Variants in RAB18 observed in about 807,000 individuals in gnomAD.
The protein encoded by RAB18 is RAB18, member RAS oncogene family.
A neutral mutation model predicts 28.5 loss-of-function variants in RAB18; 10 were observed. That is an observed-to-expected ratio of 0.35 (90% CI 0.22 to 0.60). RAB18 has a LOEUF of 0.60. RAB18 is among the 20% of genes least tolerant of loss of function. RAB18 has a pLI of 0.78. For missense variants in RAB18, 188 were observed against 244.2 expected, an observed-to-expected ratio of 0.77 and a Z score of 1.53; for synonymous variants, 93 against 86.9, an observed-to-expected ratio of 1.07 and a Z score of -0.39.
chr10:27,527,721 ATGG>A (rs1238026644), intron 3 of RAB18, among the ~76,000 whole-genome samples: 6 of 152,122 alleles, frequency 3.9e-5, no homozygotes, highest in Admixed American at 2.6e-4. Context: ...TTATTTCCAC[ATGG>A]TGGTTAAATG....
chr10:27,517,837 C>G (rs2132382533), intron 2 of RAB18, among the ~76,000 whole-genome samples: 1 of 152,294 alleles, frequency 6.6e-6, no homozygotes, highest in South Asian at 2.1e-4. Context: ...CTGGTGCTAT[C>G]CCTTTCTGTT....
chr10:27,514,906 G>T lies in RAB18; in HGVS notation c.124+4976G>T, dbSNP rs116524932. On this transcript the variant is annotated intron_variant, in intron 2 of 6. Transcript: ENST00000356940. Reference sequence around the variant, plus strand: ...TGAGCCTCCTGAACTGGAACTACAGGCACGTGCCACCATGCCCGGGTGATC... The same window carrying T: ...TGAGCCTCCTGAACTGGAACTACAGTCACGTGCCACCATGCCCGGGTGATC... Among the ~76,000 whole-genome samples, 677 of 152,134 alleles carry T rather than the reference G, an allele frequency of 4.5e-3. 3 individuals are homozygous for T. The highest frequency in any genetic ancestry group is 0.015 in the African/African-American group (635 of 41,496).
At chr10:27,526,015 GC>G (rs1170475567) in intron 2 of RAB18, among the ~76,000 whole-genome samples, 1 of 152,160 alleles carries the variant, frequency 6.6e-6, no homozygotes, top group Non-Finnish European at 1.5e-5. Flanking sequence ...AGACATGTGG[GC>G]AGTTGCTGTT....
intron 2 of RAB18, among the ~76,000 whole-genome samples, chr10:27,526,162 T>C (rs566962162): frequency 6.6e-6 from 1 of 152,344 alleles, no homozygotes; most frequent in Admixed American, 6.5e-5. Context: ...TAGAAGCTTT[T>C]CATAGAACTT....
chr10:27,527,214 C>T (rs1397799035), intron 3 of RAB18, among the ~76,000 whole-genome samples: 1 of 152,046 alleles, frequency 6.6e-6, no homozygotes, highest in Non-Finnish European at 1.5e-5. Context: ...CTAGACTGAA[C>T]TAACACTAAA....
intron 1 of RAB18, among the ~76,000 whole-genome samples, chr10:27,505,464 CAAAT>C (rs1364448538): frequency 6.6e-6 from 1 of 152,190 alleles, no homozygotes; most frequent in African/African-American, 2.4e-5. Context: ...AAGCTCTCCT[CAAAT>C]AACTTGTAAA....
rs778767053 is a variant in RAB18, at chr10:27,538,847, T to C, written c.*796T>C. ...GTTTATTGTAACTCCTCATACACTT[T>C]TAAAACCAACATCTTTTTTCATAAA... On this transcript the variant is annotated 3_prime_UTR_variant, in exon 7 of 7. Coordinates refer to ENST00000356940, the MANE Select transcript of RAB18 (RefSeq NM_021252.5). 3 of 454,040 alleles carry C rather than the reference T, an allele frequency of 6.6e-6. No homozygotes were observed. The highest frequency in any genetic ancestry group is 4.7e-5 in the South Asian group (3 of 64,472). The allele number at this position is 454,040 out of a possible 1,614,324, so 28.1% of individuals were successfully genotyped here.
chr10:27,527,397 G>A (rs772885803), intron 3 of RAB18, among the ~76,000 whole-genome samples: 1 of 151,810 alleles, frequency 6.6e-6, no homozygotes, highest in Admixed American at 6.6e-5. Flanking sequence ...CAACCATTCT[G>A]ATCCCCGTTA....
rs201413146 is a variant in RAB18, at chr10:27,522,071, GA to G, written c.125-4749del. On this transcript the variant is annotated intron_variant, in intron 2 of 6. Transcript: ENST00000356940. ...ATCTAAATAAAATGTAATTTGTGGG[GA>G]AAAAAAAGACGTTTTGGAATTCAGT... Among the ~76,000 whole-genome samples, 113 of 151,608 alleles carry G rather than the reference GA, an allele frequency of 7.5e-4. 1 individual carries two copies. Among genetic ancestry groups the G allele is most frequent in the Admixed American group, 1.2e-3 (18 of 15,248 alleles).
At chr10:27,518,833 G>A (rs1361734902) in intron 2 of RAB18, among the ~76,000 whole-genome samples, 1 of 150,680 alleles carries the variant, frequency 6.6e-6, no homozygotes, top group Non-Finnish European at 1.5e-5. Context: ...TGTATCTTTT[G>A]CCTGACAGAA....
intron 6 of RAB18, among the ~76,000 whole-genome samples, chr10:27,537,248 C>T: frequency 6.6e-6 from 1 of 152,146 alleles, no homozygotes; most frequent in East Asian, 1.9e-4. Flanking sequence ...CTGATTTTCT[C>T]AGCATAATGC....
chr10:27,536,929 AAG>A (rs1834912133), intron 6 of RAB18, among the ~76,000 whole-genome samples: 1 of 152,250 alleles, frequency 6.6e-6, no homozygotes, highest in Non-Finnish European at 1.5e-5. Context: ...AGAGGTTTCA[AAG>A]AGAGTGGAGA....
In RAB18 at chr10:27,533,745, C is replaced by A. The variant is rs750139202; in HGVS notation, c.270C>A (p.Val90=). Residue 90 remains valine (V), a synonymous_variant, in exon 5 of 7, where the codon GTC becomes GTA. Coordinates refer to ENST00000356940, the MANE Select transcript of RAB18 (RefSeq NM_021252.5). Reference sequence around the variant, plus strand: ...CTCCTTTTATTTCAGTTTATGATGTCACAAGAAGAGATACATTTGTTAAAC... The same window carrying A: ...CTCCTTTTATTTCAGTTTATGATGTAACAAGAAGAGATACATTTGTTAAAC... The part of the protein sequence containing the change: ...GAQGVILVYD[V]TRRDTFVKLD... The A allele has an allele frequency of 2.7e-5, 43 of 1,613,002 alleles. No individual in the cohort carries two copies. In the South Asian group the frequency reaches 4.6e-4, roughly 17 times the overall value.
chr10:27,531,839 T>A (rs1478035690), intron 3 of RAB18, among the ~76,000 whole-genome samples: 1 of 152,004 alleles, frequency 6.6e-6, no homozygotes, highest in Non-Finnish European at 1.5e-5. Flanking sequence ...TTTCAAGAAT[T>A]GGTCTCAGCA....
chr10:27,509,854 T>C (rs775064697), intron 1 of RAB18, 21 bp from the exon 2 acceptor site: 1 of 1,602,588 alleles, frequency 6.2e-7, no homozygotes. Context: ...TCCCAACCTG[T>C]CTTTTTAATA....
rs1437764405 is a variant in RAB18 at position 27,541,269 on chromosome 10, A to C, written c.*3218A>C. 1 of 454,026 alleles carries C rather than the reference A, an allele frequency of 2.2e-6. No individual in the cohort carries two copies. Among genetic ancestry groups the C allele is most frequent in the Non-Finnish European group, 4.4e-6 (1 of 226,774 alleles). 28.1% of individuals were successfully genotyped at this position (454,026 alleles called of 1,614,324 possible). A position where few individuals can be genotyped will look rare whatever the true frequency, so the allele number is the denominator to read the frequency against. On this transcript the variant is annotated 3_prime_UTR_variant, in exon 7 of 7. Transcript: ENST00000356940. ...CCCTGGGTTTTGCCTAAACTGTTGA[A>C]AGACGAGAATAAATAGACATAGACA...
intron 2 of RAB18, among the ~76,000 whole-genome samples, chr10:27,517,117 C>CT (rs1834451436): frequency 6.6e-6 from 1 of 152,148 alleles, no homozygotes; most frequent in African/African-American, 2.4e-5. Flanking sequence ...AATCCCAGCA[C>CT]TTTGGGATGC....
In RAB18 at chr10:27,541,136, T is replaced by G. The variant is rs1361152933; in HGVS notation, c.*3085T>G. The G allele has an allele frequency of 4.4e-6, 2 of 454,066 alleles. No individual in the cohort carries two copies. Among genetic ancestry groups the G allele is most frequent in the Admixed American group, 4.7e-5 (2 of 42,568 alleles). 28.1% of individuals were successfully genotyped at this position (454,066 alleles called of 1,614,324 possible). ...GTAATACTTAGGAAGTTATTTTGTC[T>G]TTCCTGTATTTCCCTAGTTAAGTAT... On this transcript the variant is annotated 3_prime_UTR_variant, in exon 7 of 7. Coordinates refer to ENST00000356940, the MANE Select transcript of RAB18 (RefSeq NM_021252.5).
chr10:27,533,371 T>A (rs1462312473), intron 4 of RAB18, among the ~76,000 whole-genome samples: 1 of 151,980 alleles, frequency 6.6e-6, no homozygotes, highest in Non-Finnish European at 1.5e-5. Context: ...ATTTTTTTTT[T>A]AATATTTTGC....
Sources: gnomAD v4.1 joint callset for allele counts (sites outside exome capture counted in the v4.1 genomes callset) on GRCh38, gnomAD v4.1.1 for gene constraint, MANE v1.5 for transcripts, NCBI Gene and HGNC (gene_info 2026-07-23, HGNC 2026-07-21) for gene names.